Variants in STMND1 observed in about 807,000 individuals in gnomAD.
The protein encoded by STMND1 is stathmin domain-containing protein 1.
A neutral mutation model predicts 23.0 loss-of-function variants in STMND1; 17 were observed. The observed-to-expected ratio is 0.74, with a 90% confidence interval of 0.51 to 1.11. STMND1 has a LOEUF of 1.11. Ranked by LOEUF, STMND1 falls within the 50% of genes least tolerant of loss-of-function variation. The pLI, the probability that STMND1 is intolerant of heterozygous loss-of-function variation, is 0.00. For missense variants in STMND1, 305 were observed against 329.1 expected, an observed-to-expected ratio of 0.93 and a Z score of 0.57; for synonymous variants, 114 against 119.9, an observed-to-expected ratio of 0.95 and a Z score of 0.32.
intron 3 of STMND1, among the ~76,000 whole-genome samples, chr6:17,125,807 T>A (rs1474573775): frequency 6.6e-6 from 1 of 151,994 alleles, no homozygotes; most frequent in Non-Finnish European, 1.5e-5. Context: ...AATAGTTAAT[T>A]AAGAAAGCTC....
intron 3 of STMND1, among the ~76,000 whole-genome samples, chr6:17,126,089 TTTTTTTTTTA>T (rs1761301217): frequency 8.3e-6 from 1 of 120,414 alleles, no homozygotes; most frequent in African/African-American, 3.2e-5. Flanking sequence ...TTTTTTTTTT[TTTTTTTTTTA>T]AAGAGACAGG....
chr6:17,130,880 A>G lies in STMND1; in HGVS notation c.830A>G (p.Ter277=), dbSNP rs1761383423. The change falls in exon 5 of 5, where the codon TAA becomes TGA. Residue 277 remains the stop codon, a stop_retained_variant. Transcript: ENST00000536551. ...SYNQADDIVY[*] ...AACCAAGCAGATGACATAGTCTACT[A>G]AGCCATTTTTTGTGAATTTCATAAG... 3 of 1,504,088 alleles carry G rather than the reference A, an allele frequency of 2.0e-6. No individual in the cohort carries two copies. The highest frequency in any genetic ancestry group is 1.2e-5 in the South Asian group (1 of 80,276). The allele number at this position is 1,504,088 out of a possible 1,614,324, so 93.2% of individuals were successfully genotyped here.
At chr6:17,114,608 A>G (rs1184624254) in intron 1 of STMND1, among the ~76,000 whole-genome samples, 2 of 152,212 alleles carry the variant, frequency 1.3e-5, no homozygotes, top group African/African-American at 2.4e-5. Context: ...GATCCCTCGC[A>G]TGTGCAGTGC....
intron 3 of STMND1, among the ~76,000 whole-genome samples, chr6:17,126,064 ATATATATTTTT>A (rs1344283209): frequency 1.3e-4 from 3 of 23,714 alleles, no homozygotes; most frequent in African/African-American, 3.9e-4. Context: ...ATATATATAT[ATATATATTTTT>A]TTTTTTTTTT....
At chr6:17,113,634 CT>C (rs35898545) in intron 1 of STMND1, among the ~76,000 whole-genome samples, 29,002 of 135,372 alleles carry the variant, frequency 0.21, 2,457 homozygotes, top group East Asian at 0.35. Flanking sequence ...GTCTGCATCA[CT>C]TTTTTTTTTT....
intron 3 of STMND1, among the ~76,000 whole-genome samples, chr6:17,125,213 GGTAA>G (rs1761280536): frequency 6.6e-6 from 1 of 151,476 alleles, no homozygotes; most frequent in South Asian, 2.1e-4. Context: ...AGATTAAGAA[GGTAA>G]GTATCAGATT....
At chr6:17,123,231 G>A (rs1239509514) in intron 3 of STMND1, among the ~76,000 whole-genome samples, 7 of 152,130 alleles carry the variant, frequency 4.6e-5, no homozygotes, top group Admixed American at 2.6e-4. Flanking sequence ...ACTGTGGGCT[G>A]GACTTTTAAT....
intron 4 of STMND1, 67 bp downstream of exon 4, chr6:17,129,310 G>A: frequency 6.8e-7 from 1 of 1,468,758 alleles, no homozygotes; most frequent in East Asian, 2.5e-5. Flanking sequence ...TCACCCCAGA[G>A]CTTTCCTATC....
At chr6:17,118,973 A>G (rs934255915) in intron 2 of STMND1, among the ~76,000 whole-genome samples, 1 of 152,168 alleles carries the variant, frequency 6.6e-6, no homozygotes, top group Non-Finnish European at 1.5e-5. Flanking sequence ...AGTGCTTAGT[A>G]AATGATCATT....
intron 2 of STMND1, 27 bp downstream of exon 2, chr6:17,115,166 T>A: frequency 6.6e-7 from 1 of 1,518,488 alleles, no homozygotes; most frequent in Non-Finnish European, 8.8e-7. Context: ...CCCATTCACG[T>A]AGATCTTCAC....
At chr6:17,115,206 A>G in intron 2 of STMND1, 67 bp downstream of exon 2, 1 of 1,434,658 alleles carries the variant, frequency 7.0e-7, no homozygotes, top group Non-Finnish European at 9.2e-7. Context: ...TACGTTTACA[A>G]GGTTTCTTTG....
chr6:17,104,724 C>T lies in STMND1; in HGVS notation c.81+2386C>T, dbSNP rs550968000. On this transcript the variant is annotated intron_variant, in intron 1 of 4. Coordinates refer to ENST00000536551, the MANE Select transcript of STMND1 (RefSeq NM_001190766.2). ...CAAATAAAATCTGATTATCTCAGTC[C>T]TCTTTTGAAAAGAAGTCACCAACCC... Among the ~76,000 whole-genome samples the T allele has an allele frequency of 1.5e-4, 23 of 152,308 alleles. No homozygotes were observed. The Middle Eastern group carries it at 0.01, about 68-fold the overall frequency.
At chr6:17,120,066 T>G (rs1419496388) in intron 2 of STMND1, among the ~76,000 whole-genome samples, 1 of 152,210 alleles carries the variant, frequency 6.6e-6, no homozygotes, top group Non-Finnish European at 1.5e-5. Context: ...TAACTGCAAT[T>G]CTGATTTGGT....
At chr6:17,123,296 T>C (rs1761255927) in intron 3 of STMND1, among the ~76,000 whole-genome samples, 2 of 152,180 alleles carry the variant, frequency 1.3e-5, no homozygotes, top group South Asian at 4.1e-4. Flanking sequence ...TGTAGGCATA[T>C]AGAATGGTTG....
chr6:17,120,459 C>G, intron 2 of STMND1, 148 bp from the exon 3 acceptor site: 1 of 578,754 alleles, frequency 1.7e-6, no homozygotes, highest in Non-Finnish European at 2.9e-6. Context: ...TTCAAAGGAT[C>G]ACAAAGACTT....
intron 1 of STMND1, among the ~76,000 whole-genome samples, chr6:17,107,090 C>T (rs1366536573): frequency 6.6e-6 from 1 of 152,122 alleles, no homozygotes; most frequent in African/African-American, 2.4e-5. Flanking sequence ...TCTTAAAAAT[C>T]AAATTTTGAA....
intron 1 of STMND1, among the ~76,000 whole-genome samples, chr6:17,111,479 T>G (rs189151985): frequency 1.9e-4 from 29 of 152,254 alleles, no homozygotes; most frequent in African/African-American, 6.3e-4. Context: ...AACACCTACA[T>G]GTCCTTCAGT....
intron 3 of STMND1, among the ~76,000 whole-genome samples, chr6:17,126,060 ATATATATATATTTTTTTTTTTT>A (rs1323838160): frequency 3.3e-4 from 8 of 23,890 alleles, no homozygotes; most frequent in African/African-American, 1.2e-3. Flanking sequence ...ATATATATAT[ATATATATATATTTTTTTTTTTT>A]TTTTTTTTTT....
At chr6:17,106,268 A>G (rs971602700) in intron 1 of STMND1, among the ~76,000 whole-genome samples, 12 of 152,078 alleles carry the variant, frequency 7.9e-5, no homozygotes, top group Non-Finnish European at 1.5e-5. Context: ...ACCTTCTACT[A>G]TCATATTTCA....
Sources: allele counts gnomAD v4.1 joint callset (sites outside exome capture counted in the v4.1 genomes callset), GRCh38; gene constraint gnomAD v4.1.1; transcripts MANE v1.5; gene names NCBI Gene and HGNC (gene_info 2026-07-23, HGNC 2026-07-21).